The following STPG2 variants were observed in gnomAD, a reference collection of about 807,000 sequenced individuals.
STPG2 encodes the protein sperm-tail PG-rich repeat-containing protein 2.
In STPG2, 56 loss-of-function variants were observed where a neutral mutation model predicts 54.2. That is an observed-to-expected ratio of 1.03 (90% CI 0.83 to 1.29). The LOEUF is 1.29. Ranked by LOEUF, STPG2 falls within the 50% of genes most tolerant of loss-of-function variation. The pLI is 0.00. For missense variants in STPG2, 596 were observed against 544.9 expected (o/e 1.09, Z -0.93); for synonymous variants, 200 against 181.8 (o/e 1.10, Z -0.81).
chr4:97,873,994 G>T (rs1578644619), intron 8 of STPG2, among the ~76,000 whole-genome samples: 2 of 151,292 alleles, frequency 1.3e-5, no homozygotes, highest in South Asian at 4.2e-4. Flanking sequence ...CTCTAATTAT[G>T]TAATTAAAAT....
chr4:97,489,444 GACCAGA>G (rs1445152024), intron 4 of STPG2, among the ~76,000 whole-genome samples: 12 of 151,748 alleles, frequency 7.9e-5, no homozygotes, highest in Admixed American at 2.6e-4. Context: ...CCACCTAGGT[GACCAGA>G]TGAGAGGCTA....
intron 4 of STPG2, among the ~76,000 whole-genome samples, chr4:97,529,747 A>G (rs1731371082): frequency 6.6e-6 from 1 of 152,118 alleles, no homozygotes; most frequent in African/African-American, 2.4e-5. Context: ...CATTTCTTCT[A>G]GATTTTCTAG....
chr4:98,024,637 C>T (rs1228155461), intron 5 of STPG2, among the ~76,000 whole-genome samples: 1 of 152,304 alleles, frequency 6.6e-6, no homozygotes, highest in South Asian at 2.1e-4. Flanking sequence ...AGTATCTACA[C>T]ATTTTTGTAC....
chr4:97,866,045 C>T (rs1729765131), intron 8 of STPG2, among the ~76,000 whole-genome samples: 1 of 151,694 alleles, frequency 6.6e-6, no homozygotes, highest in Non-Finnish European at 1.5e-5. Flanking sequence ...AAAATTAAAA[C>T]AGTTGAACTC....
chr4:97,617,883 C>A (rs1227687905), intron 10 of STPG2, among the ~76,000 whole-genome samples: 2 of 152,094 alleles, frequency 1.3e-5, no homozygotes, highest in African/African-American at 4.8e-5. Context: ...TGATATACAT[C>A]ATAGTCTTTA....
intron 10 of STPG2, among the ~76,000 whole-genome samples, chr4:97,648,016 C>G (rs561771774): frequency 1.3e-5 from 2 of 152,206 alleles, no homozygotes; most frequent in African/African-American, 4.8e-5. Context: ...ACTGACTGAC[C>G]ACTTATAATA....
At chr4:97,451,155 C>T (rs1729354904) in intron 4 of STPG2, among the ~76,000 whole-genome samples, 1 of 151,888 alleles carries the variant, frequency 6.6e-6, no homozygotes, top group Non-Finnish European at 1.5e-5. Flanking sequence ...AATTCATAGC[C>T]AGATATGGGG....
At chr4:98,004,442 A>T (rs1296043967) in intron 5 of STPG2, among the ~76,000 whole-genome samples, 1 of 152,188 alleles carries the variant, frequency 6.6e-6, no homozygotes, top group Non-Finnish European at 1.5e-5. Context: ...TCATATTGCA[A>T]TGAACATGGG....
At chr4:98,058,293 G>A (rs1199066956) in intron 5 of STPG2, among the ~76,000 whole-genome samples, 1 of 152,068 alleles carries the variant, frequency 6.6e-6, no homozygotes, top group Non-Finnish European at 1.5e-5. Context: ...AAGATCCATT[G>A]GTATGCTGTC....
At chr4:97,949,935 TG>T (rs1733403504) in intron 7 of STPG2, among the ~76,000 whole-genome samples, 1 of 152,160 alleles carries the variant, frequency 6.6e-6, no homozygotes, top group Non-Finnish European at 1.5e-5. Flanking sequence ...TTGACTTTCT[TG>T]TATTTGGATA....
At chr4:97,937,661 T>C (rs761090080) in intron 8 of STPG2, among the ~76,000 whole-genome samples, 6 of 152,146 alleles carry the variant, frequency 3.9e-5, no homozygotes, top group Non-Finnish European at 7.4e-5. Context: ...TGTGGTTTGC[T>C]GAGGGTTCAC....
At chr4:97,913,510 A>T (rs1731758105) in intron 8 of STPG2, among the ~76,000 whole-genome samples, 2 of 152,192 alleles carry the variant, frequency 1.3e-5, no homozygotes, top group Admixed American at 1.3e-4. Context: ...TTGGGTTCCT[A>T]ACCTATAGAA....
chr4:97,973,097 CAGA>C (rs1188857662), intron 6 of STPG2, among the ~76,000 whole-genome samples: 1 of 152,098 alleles, frequency 6.6e-6, no homozygotes, highest in African/African-American at 2.4e-5. Context: ...TTAGAAGGCT[CAGA>C]AGAAGACAGA....
chr4:97,597,730 A>C (rs1218059507), intron 10 of STPG2, among the ~76,000 whole-genome samples: 2 of 152,190 alleles, frequency 1.3e-5, no homozygotes, highest in African/African-American at 2.4e-5. Context: ...GAAACAACAT[A>C]CATCGGAAGT....
intron 10 of STPG2, among the ~76,000 whole-genome samples, chr4:97,596,878 A>G (rs996939681): frequency 6.6e-5 from 10 of 152,100 alleles, no homozygotes; most frequent in African/African-American, 2.4e-4. Flanking sequence ...AGAGCAAACA[A>G]ATCCCCAAGC....
chr4:98,046,890 G>A (rs1737145794), intron 5 of STPG2, among the ~76,000 whole-genome samples: 1 of 152,102 alleles, frequency 6.6e-6, no homozygotes, highest in Non-Finnish European at 1.5e-5. Flanking sequence ...CCACAAGGAG[G>A]AGCTACAGAA....
intron 9 of STPG2, among the ~76,000 whole-genome samples, chr4:97,795,599 T>C (rs554650097): frequency 6.6e-6 from 1 of 152,088 alleles, no homozygotes; most frequent in African/African-American, 2.4e-5. Flanking sequence ...CTATCATACA[T>C]TGATGGACAT....
intron 8 of STPG2, among the ~76,000 whole-genome samples, chr4:97,914,070 C>A (rs1243539343): frequency 6.6e-6 from 1 of 152,116 alleles, no homozygotes; most frequent in Non-Finnish European, 1.5e-5. Context: ...CCTACACATG[C>A]AATACAATCA....
chr4:97,882,704 G>A (rs967473645), intron 8 of STPG2, among the ~76,000 whole-genome samples: 4 of 151,964 alleles, frequency 2.6e-5, no homozygotes, highest in African/African-American at 9.7e-5. Flanking sequence ...AAAACATAAG[G>A]TAATGATGAA....
Sources: allele counts gnomAD v4.1 joint callset (sites outside exome capture counted in the v4.1 genomes callset), GRCh38; gene constraint gnomAD v4.1.1; transcripts MANE v1.5; gene names NCBI Gene and HGNC (gene_info 2026-07-23, HGNC 2026-07-21).